The following CDH13 variants were observed in gnomAD, a reference collection of about 807,000 sequenced individuals.
CDH13 encodes cadherin-13.
CDH13 carries 24 observed loss-of-function variants against 63.8 expected under a neutral mutation model. The observed-to-expected ratio is 0.38, with a 90% CI of 0.27 to 0.53. CDH13 has a LOEUF of 0.53. Ranked by LOEUF, CDH13 falls within the 20% of genes least tolerant of loss-of-function variation. The pLI, the probability that CDH13 is intolerant of heterozygous loss-of-function variation, is 0.85. For missense variants in CDH13, 1,049 were observed against 903.1 expected (o/e 1.16, Z -2.07); for synonymous variants, 503 against 355.3 (o/e 1.42, Z -4.67).
At chr16:83,599,510 CA>C (rs147241335) in intron 7 of CDH13, among the ~76,000 whole-genome samples, 1 of 152,016 alleles carries the variant, frequency 6.6e-6, no homozygotes, top group East Asian at 1.9e-4. Context: ...AAAAACAAAC[CA>C]AAAAAATTTT....
intron 1 of CDH13, among the ~76,000 whole-genome samples, chr16:82,696,282 A>C (rs1192509236): frequency 6.6e-6 from 1 of 152,236 alleles, no homozygotes; most frequent in Non-Finnish European, 1.5e-5. Context: ...TCTTTACTAA[A>C]AAGTGTCACT....
chr16:83,212,826 A>T (rs2039379046), intron 4 of CDH13, among the ~76,000 whole-genome samples: 1 of 152,178 alleles, frequency 6.6e-6, no homozygotes, highest in Non-Finnish European at 1.5e-5. Flanking sequence ...GCTTGGGGGA[A>T]GCCTGGGAAT....
chr16:83,570,846 AT>A (rs1258702997), intron 7 of CDH13, among the ~76,000 whole-genome samples: 19 of 140,346 alleles, frequency 1.4e-4, no homozygotes, highest in African/African-American at 4.7e-4. Context: ...ATATTTTTAT[AT>A]ATATAAATAT....
intron 5 of CDH13, among the ~76,000 whole-genome samples, chr16:83,258,455 T>C (rs16959943): frequency 0.072 from 10,898 of 152,248 alleles, 547 homozygotes; most frequent in East Asian, 0.24. Context: ...TAAAAAGATA[T>C]GCCAGTAAAA....
rs376048909 is a variant in CDH13, at chr16:83,432,459, A to G, written c.782-54018A>G. ...CTAGCAAGTGGCAGAGTGGGGACCT[A>G]TGCCTACTTCCACGCTTGAGATGTT... On this transcript the variant is annotated intron_variant, in intron 6 of 13. Transcript: ENST00000567109. Among the ~76,000 whole-genome samples the G allele has an allele frequency of 6.1e-4, 93 of 152,312 alleles. No homozygotes were observed. In the East Asian group the frequency reaches 0.014, roughly 24 times the overall value.
intron 6 of CDH13, among the ~76,000 whole-genome samples, chr16:83,476,744 A>T (rs9941092): frequency 6.6e-6 from 1 of 152,068 alleles, no homozygotes; most frequent in Admixed American, 6.5e-5. Flanking sequence ...TGTTTTTAAG[A>T]GTTTATGGAA....
At chr16:83,285,726 G>T (rs1395453387) in intron 5 of CDH13, among the ~76,000 whole-genome samples, 2 of 152,108 alleles carry the variant, frequency 1.3e-5, no homozygotes, top group African/African-American at 4.8e-5. Context: ...TGTTTGTGGG[G>T]GAGGGATGTT....
At chr16:83,701,103 T>G (rs1906152695) in intron 10 of CDH13, among the ~76,000 whole-genome samples, 1 of 152,134 alleles carries the variant, frequency 6.6e-6, no homozygotes, top group Non-Finnish European at 1.5e-5. Flanking sequence ...GCTCCAGCAG[T>G]GAGGGATCTC....
chr16:83,431,090 A>C (rs919015172), intron 6 of CDH13, among the ~76,000 whole-genome samples: 3 of 151,316 alleles, frequency 2.0e-5, no homozygotes, highest in Non-Finnish European at 4.4e-5. Context: ...TTCTTGCGAT[A>C]GTTTACTGAG....
At chr16:82,833,902 A>G (rs2038652635) in intron 1 of CDH13, among the ~76,000 whole-genome samples, 1 of 152,206 alleles carries the variant, frequency 6.6e-6, no homozygotes, top group African/African-American at 2.4e-5. Context: ...ATGCATAATA[A>G]TGCTACTGCA....
intron 5 of CDH13, among the ~76,000 whole-genome samples, chr16:83,342,898 T>G (rs1024350745): frequency 6.8e-6 from 1 of 148,066 alleles, no homozygotes; most frequent in African/African-American, 2.5e-5. Flanking sequence ...CTTGGCTATT[T>G]TGGGAAGATG....
chr16:83,389,533 TC>T (rs1054934204), intron 6 of CDH13, among the ~76,000 whole-genome samples: 2 of 152,196 alleles, frequency 1.3e-5, no homozygotes, highest in African/African-American at 4.8e-5. Flanking sequence ...CACATTCTTC[TC>T]CTCCTCAATC....
At chr16:83,696,829 C>T (rs1397258668) in intron 10 of CDH13, among the ~76,000 whole-genome samples, 3 of 152,154 alleles carry the variant, frequency 2.0e-5, no homozygotes, top group Admixed American at 6.5e-5. Flanking sequence ...ATCCACATCG[C>T]GGTGATCCTC....
chr16:82,853,875 G>T (rs2039587829), intron 1 of CDH13, among the ~76,000 whole-genome samples: 1 of 152,120 alleles, frequency 6.6e-6, no homozygotes, highest in Admixed American at 6.5e-5. Flanking sequence ...ATTTACAGAG[G>T]ATTTGGGGAA....
chr16:83,554,112 C>A (rs1298080854), intron 7 of CDH13, among the ~76,000 whole-genome samples: 1 of 152,046 alleles, frequency 6.6e-6, no homozygotes, highest in Non-Finnish European at 1.5e-5. Flanking sequence ...TGTAGCAGTG[C>A]CATTTCTGTC....
At chr16:83,715,261 T>C (rs1908713334) in intron 10 of CDH13, among the ~76,000 whole-genome samples, 1 of 152,222 alleles carries the variant, frequency 6.6e-6, no homozygotes. Flanking sequence ...AAAGTCTATT[T>C]TCCCATCAGA....
At chr16:83,540,039 A>G (rs1370895968) in intron 7 of CDH13, among the ~76,000 whole-genome samples, 1 of 151,588 alleles carries the variant, frequency 6.6e-6, no homozygotes, top group African/African-American at 2.4e-5. Context: ...ACTGATTTTT[A>G]AAATTCTTTA....
At chr16:82,955,270 T>C (rs1567691446) in intron 2 of CDH13, among the ~76,000 whole-genome samples, 1 of 152,342 alleles carries the variant, frequency 6.6e-6, no homozygotes, top group African/African-American at 2.4e-5. Flanking sequence ...CCTTACACTG[T>C]TTGGCAAAGG....
intron 1 of CDH13, among the ~76,000 whole-genome samples, chr16:82,659,266 G>A (rs1452681915): frequency 1.3e-5 from 2 of 152,156 alleles, no homozygotes; most frequent in Non-Finnish European, 2.9e-5. Flanking sequence ...TAGAATGCTT[G>A]CCAGCAGCAT....
Sources: allele counts gnomAD v4.1 joint callset (sites outside exome capture counted in the v4.1 genomes callset), GRCh38; gene constraint gnomAD v4.1.1; transcripts MANE v1.5; gene names NCBI Gene and HGNC (gene_info 2026-07-23, HGNC 2026-07-21).